The following MSRA variants were observed in gnomAD, a reference collection of about 807,000 sequenced individuals.
MSRA encodes the protein mitochondrial peptide methionine sulfoxide reductase.
In MSRA, 54 loss-of-function variants were observed where a neutral mutation model predicts 31.3. The observed-to-expected ratio is 1.73, with a 90% confidence interval of 1.39 to 2.17. The LOEUF (loss-of-function observed/expected upper bound fraction) is 2.17, where lower values mean the gene tolerates loss of function less well. MSRA is among the 30% of genes most tolerant of loss of function. The pLI is 0.00. For missense variants in MSRA, 507 were observed against 300.9 expected, an observed-to-expected ratio of 1.69 and a Z score of -5.07; for synonymous variants, 169 against 116.5, an observed-to-expected ratio of 1.45 and a Z score of -2.90.
At chr8:10,301,323 A>G (rs1800832029) in intron 3 of MSRA, among the ~76,000 whole-genome samples, 1 of 152,180 alleles carries the variant, frequency 6.6e-6, no homozygotes, top group African/African-American at 2.4e-5. Context: ...CATCGCAGCA[A>G]GCTCCCTGGA....
Position 10,428,621 on chromosome 8 carries a change from T to G in MSRA, c.*309T>G. On this transcript the variant is annotated 3_prime_UTR_variant, in exon 6 of 6. Coordinates refer to ENST00000317173, the MANE Select transcript of MSRA (RefSeq NM_012331.5). ...AGAAGCTAAGGTGTGAGCTGGGAGG[T>G]TGCTGGACAGGATGGGGGACCCCAG... 2.9e-6 allele frequency: 1 copy of G among 339,816 alleles called. No homozygotes were observed. Among genetic ancestry groups the G allele is most frequent in the Non-Finnish European group, 5.4e-6 (1 of 185,982 alleles). 21.1% of individuals were successfully genotyped at this position (339,816 alleles called of 1,614,324 possible).
At chr8:10,102,942 G>A (rs752397461) in intron 1 of MSRA, among the ~76,000 whole-genome samples, 20 of 152,090 alleles carry the variant, frequency 1.3e-4, no homozygotes, top group Non-Finnish European at 2.1e-4. Context: ...AGCTTATGTT[G>A]TTGGTGCTAC....
At chr8:10,337,735 C>T (rs1803146135) in intron 5 of MSRA, 2 of 702,540 alleles carry the variant, frequency 2.8e-6, no homozygotes, top group Non-Finnish European at 5.2e-6. Context: ...CTTCCTCAGC[C>T]ATGCTGGGGC....
intron 2 of MSRA, among the ~76,000 whole-genome samples, chr8:10,210,776 C>T (rs1809407743): frequency 6.6e-6 from 1 of 151,566 alleles, no homozygotes; most frequent in Non-Finnish European, 1.5e-5. Context: ...CTCTGTTGCC[C>T]ATGCTGGAGT....
At position 10,140,064 on chromosome 8, in the gene MSRA, A is replaced by G. The variant is rs1190400337; in HGVS notation, c.143-67769A>G. Among the ~76,000 whole-genome samples, 4 of 152,238 alleles carry G rather than the reference A, an allele frequency of 2.6e-5. 1 individual carries two copies. The highest frequency in any genetic ancestry group is 9.6e-5 in the African/African-American group (4 of 41,466). The stretch of plus-strand genomic sequence containing the variant: ...CCTTCCGAAATGAAGAGCGAGGGAA[A>G]CAGGGAAACCTGTGTATTGTATGCT... On this transcript the variant is annotated intron_variant, in intron 1 of 5. Transcript: ENST00000317173.
At chr8:10,400,800 C>A (rs534781505) in intron 5 of MSRA, among the ~76,000 whole-genome samples, 93 of 152,348 alleles carry the variant, frequency 6.1e-4, no homozygotes, top group Non-Finnish European at 1.1e-3. Context: ...ACAACTGGAT[C>A]TCCAGGTTTG....
chr8:10,202,175 A>G (rs1363062150), intron 1 of MSRA, among the ~76,000 whole-genome samples: 2 of 152,198 alleles, frequency 1.3e-5, no homozygotes, highest in Non-Finnish European at 2.9e-5. Context: ...CCCTTCCCCC[A>G]TATCTTACTG....
At chr8:10,371,531 GA>G (rs1385066399) in intron 5 of MSRA, among the ~76,000 whole-genome samples, 1 of 152,136 alleles carries the variant, frequency 6.6e-6, no homozygotes, top group Non-Finnish European at 1.5e-5. Context: ...CAGCAGCAAA[GA>G]GAAACATTCT....
chr8:10,163,859 C>T (rs114583138), intron 1 of MSRA, among the ~76,000 whole-genome samples: 340 of 152,342 alleles, frequency 2.2e-3, no homozygotes, highest in African/African-American at 6.7e-3. Flanking sequence ...GTGGCCCCTC[C>T]GCCCTTTGCC....
chr8:10,207,062 C>A (rs1024111186), intron 1 of MSRA, among the ~76,000 whole-genome samples: 6 of 152,216 alleles, frequency 3.9e-5, no homozygotes, highest in African/African-American at 1.4e-4. Flanking sequence ...TATTCAAAAC[C>A]TGCTGAGGAT....
At chr8:10,244,212 A>C (rs1032425206) in intron 2 of MSRA, among the ~76,000 whole-genome samples, 1 of 152,230 alleles carries the variant, frequency 6.6e-6, no homozygotes, top group Non-Finnish European at 1.5e-5. Flanking sequence ...GTGAGGCAGT[A>C]ATCTTTTTTA....
At chr8:10,183,215 G>T (rs1806701706) in intron 1 of MSRA, among the ~76,000 whole-genome samples, 1 of 152,194 alleles carries the variant, frequency 6.6e-6, no homozygotes, top group Non-Finnish European at 1.5e-5. Context: ...CCAGCCAGGA[G>T]AGTGTCATTT....
At chr8:10,103,827 T>C (rs1489445938) in intron 1 of MSRA, among the ~76,000 whole-genome samples, 1 of 149,916 alleles carries the variant, frequency 6.7e-6, no homozygotes, top group South Asian at 2.2e-4. Context: ...ACAAATGCCA[T>C]ATTTATTTTC....
intron 1 of MSRA, among the ~76,000 whole-genome samples, chr8:10,129,083 G>T (rs535052139): frequency 4.3e-4 from 65 of 152,314 alleles, no homozygotes; most frequent in African/African-American, 1.5e-3. Context: ...TATGCAAATA[G>T]AGGCAGTGGT....
At chr8:10,199,790 C>A (rs747212537) in intron 1 of MSRA, among the ~76,000 whole-genome samples, 27 of 152,086 alleles carry the variant, frequency 1.8e-4, no homozygotes, top group Non-Finnish European at 2.8e-4. Context: ...GCTAAAAATC[C>A]TCTCTTAGGA....
At chr8:10,392,731 G>A (rs530322312) in intron 5 of MSRA, among the ~76,000 whole-genome samples, 1 of 148,568 alleles carries the variant, frequency 6.7e-6, no homozygotes, top group South Asian at 2.1e-4. Flanking sequence ...TTAGCTGATC[G>A]CTAAGGTGCA....
intron 4 of MSRA, among the ~76,000 whole-genome samples, chr8:10,316,524 ATCCCTC>A (rs1307882377): frequency 5.0e-4 from 33 of 65,396 alleles, no homozygotes; most frequent in East Asian, 1.1e-3. Context: ...TACTTTGATG[ATCCCTC>A]TCTCTCTCTC....
chr8:10,246,188 G>A (rs1010447963), intron 3 of MSRA, among the ~76,000 whole-genome samples: 3 of 152,190 alleles, frequency 2.0e-5, no homozygotes. Context: ...AGTTACAAGA[G>A]TTGAGTGCTT....
chr8:10,376,704 C>T (rs938907470), intron 5 of MSRA, among the ~76,000 whole-genome samples: 4 of 152,176 alleles, frequency 2.6e-5, no homozygotes, highest in Non-Finnish European at 5.9e-5. Flanking sequence ...TTTTAGTGAT[C>T]TAGTTCAACT....
Sources: allele counts gnomAD v4.1 joint callset (sites outside exome capture counted in the v4.1 genomes callset), GRCh38; gene constraint gnomAD v4.1.1; transcripts MANE v1.5; gene names NCBI Gene and HGNC (gene_info 2026-07-23, HGNC 2026-07-21).